The following SPG11 variants were observed in gnomAD, a reference collection of about 807,000 sequenced individuals.
SPG11 encodes the protein SPG11 vesicle trafficking associated, spatacsin.
In SPG11, 222 loss-of-function variants were observed where a neutral mutation model predicts 274.0. The ratio of observed to expected loss-of-function variants is 0.81; its 90% CI spans 0.73 to 0.91. The LOEUF is 0.91. Ranked by LOEUF, SPG11 falls within the 40% of genes least tolerant of loss-of-function variation. The probability of loss-of-function intolerance (pLI) is 0.00; values close to 1 mark genes in which losing one functional copy is unlikely to be tolerated. For synonymous variants in SPG11, 1,144 were observed against 1,039.7 expected (o/e 1.10, Z -1.93); for missense variants, 3,114 against 2,872.7 (o/e 1.08, Z -1.92).
rs556313642 is a variant in SPG11 at position 44,627,493 on chromosome 15, T to C, written c.2068-986A>G. Among the ~76,000 whole-genome samples the C allele has an allele frequency of 1.5e-4, 23 of 151,792 alleles. 1 individual carries two copies. The highest frequency in any genetic ancestry group is 2.1e-4 in the South Asian group (1 of 4,804). ...GTGATTTTGAGTAAAAAGAGGACCA[T>C]AGACAGAGCCTTGCAGAACATTAAA... is the stretch of plus-strand genomic sequence containing the variant. On this transcript the variant is annotated intron_variant, in intron 10 of 39. Transcript: ENST00000261866.
At chr15:44,659,747 TA>T (rs1274823702) in intron 2 of SPG11, among the ~76,000 whole-genome samples, 4 of 152,120 alleles carry the variant, frequency 2.6e-5, no homozygotes, top group African/African-American at 9.7e-5. Context: ...CCAATAGAAA[TA>T]TAATGTGAGC....
chr15:44,596,156 G>A lies in SPG11; in HGVS notation c.4361C>T (p.Ser1454Phe). 1.2e-6 allele frequency: 2 copies of A among 1,614,198 alleles called. No individual in the cohort carries two copies. Among genetic ancestry groups the A allele is most frequent in the Non-Finnish European group, 1.7e-6 (2 of 1,180,034 alleles). The change falls in exon 25 of 40, where the codon TCC becomes TTC. Residue 1454 changes from serine to phenylalanine, a missense_variant. Coordinates refer to ENST00000261866, the MANE Select transcript of SPG11 (RefSeq NM_025137.4). ...TGCTTCAACCAGAAGCCAGTGCCAGGAGTCTGGCTCCTCTGAGCATTGGAG... is the reference window on the plus strand; with the variant it reads ...TGCTTCAACCAGAAGCCAGTGCCAGAAGTCTGGCTCCTCTGAGCATTGGAG... ...ILLQCSEEPD[S>F]WHWLLVEAVK...
At chr15:44,606,608 A>G (rs558642665) in intron 19 of SPG11, among the ~76,000 whole-genome samples, 1 of 152,232 alleles carries the variant, frequency 6.6e-6, no homozygotes, top group African/African-American at 2.4e-5. Context: ...AAGATCTGGC[A>G]GCAGCAAGTA....
intron 27 of SPG11, 128 bp from the exon 28 acceptor site, chr15:44,589,542 A>ACT (rs1426921355): frequency 1.8e-6 from 2 of 1,094,966 alleles, no homozygotes; most frequent in African/African-American, 3.1e-5. Flanking sequence ...TGAGGCACTT[A>ACT]CTCAGTTCCT....
chr15:44,613,279 G>A, intron 17 of SPG11, 151 bp downstream of exon 17: 1 of 636,734 alleles, frequency 1.6e-6, no homozygotes, highest in Admixed American at 2.6e-5. Context: ...CCTTCCTTCT[G>A]CTTCTTACCT....
At chr15:44,658,874 T>C (rs927940283) in intron 3 of SPG11, among the ~76,000 whole-genome samples, 3 of 152,254 alleles carry the variant, frequency 2.0e-5, no homozygotes, top group African/African-American at 7.2e-5. Context: ...AAAATGTATA[T>C]ACTGGAAAAT....
At chr15:44,618,813 A>ATC (rs2083662215) in intron 15 of SPG11, among the ~76,000 whole-genome samples, 1 of 151,144 alleles carries the variant, frequency 6.6e-6, no homozygotes, top group Admixed American at 6.6e-5. Context: ...GCGAGACTCC[A>ATC]TCTCAAAAAA....
intron 8 of SPG11, among the ~76,000 whole-genome samples, chr15:44,631,354 A>G (rs2084054796): frequency 6.6e-6 from 1 of 152,230 alleles, no homozygotes; most frequent in Non-Finnish European, 1.5e-5. Flanking sequence ...AAAGTGGGGA[A>G]AAAACACAGA....
At position 44,563,021 on chromosome 15, in the gene SPG11, G is replaced by T; in HGVS notation, c.*100C>A. The T allele has an allele frequency of 8.2e-7, 1 of 1,217,102 alleles. No individual in the cohort carries two copies. The highest frequency in any genetic ancestry group is 1.2e-6 in the Non-Finnish European group (1 of 832,860). The allele number at this position is 1,217,102 out of a possible 1,614,324, so 75.4% of individuals were successfully genotyped here. A position where few individuals can be genotyped will look rare whatever the true frequency, so the allele number is the denominator to read the frequency against. On this transcript the variant is annotated 3_prime_UTR_variant, in exon 40 of 40. Transcript: ENST00000261866. ...AAGGACTGATATGGTACAGTACCGG[G>T]ATTGTTCAACTTTAGCAAAGATCTC...
At chr15:44,659,501 C>A (rs1184856782) in intron 2 of SPG11, among the ~76,000 whole-genome samples, 198 bp from the exon 3 acceptor site, 1 of 152,136 alleles carries the variant, frequency 6.6e-6, no homozygotes, top group Non-Finnish European at 1.5e-5. Flanking sequence ...AGATGGCCTA[C>A]AATGTCCCTG....
Position 44,659,274 on chromosome 15 carries a change from A to C in SPG11, c.472T>G (p.Ser158Ala). 1 of 1,614,092 alleles carries C rather than the reference A, an allele frequency of 6.2e-7. No individual in the cohort carries two copies. Residue 158 changes from serine to alanine, a missense_variant, in exon 3 of 40, where the codon TCA (serine) becomes GCA (alanine). Physicochemically the swap from Ser to Ala is moderately conservative, Grantham distance 99. Coordinates refer to ENST00000261866, the MANE Select transcript of SPG11 (RefSeq NM_025137.4). ...SISLLSLRIL[S>A]FHNNTSLLFI... ...AGTAATGATGTGTTATTGTGAAATG[A>C]CAGGATTCTCAAAGACAATAAGGAA...
rs1452495306 is a variant in SPG11 at position 44,648,921 on chromosome 15, G to A, written c.1547C>T (p.Thr516Ile). 1.9e-6 allele frequency: 3 copies of A among 1,614,110 alleles called. No homozygotes were observed. The highest frequency in any genetic ancestry group is 1.3e-5 in the African/African-American group (1 of 75,056). ...MIHGSASTVD[T>I]LCHLNGWGRC... Reference sequence around the variant, plus strand: ...TCCCCAGCCATTGAGATGACAAAGAGTGTCCACAGTGCTGGCACTTCCATG... The same window carrying A: ...TCCCCAGCCATTGAGATGACAAAGAATGTCCACAGTGCTGGCACTTCCATG... Residue 516 changes from threonine (T) to isoleucine (I), a missense_variant, in exon 7 of 40, where the codon ACT becomes ATT. Coordinates refer to ENST00000261866, the MANE Select transcript of SPG11 (RefSeq NM_025137.4).
intron 30 of SPG11, among the ~76,000 whole-genome samples, chr15:44,575,905 G>A (rs182870908): frequency 0.02 from 2,987 of 152,198 alleles, 109 homozygotes; most frequent in African/African-American, 0.068. Flanking sequence ...CACTTTGGGA[G>A]GCTGAGGCGG....
Position 44,643,246 on chromosome 15 carries a change from T to C in SPG11, c.1602+5620A>G, listed in dbSNP as rs565954831. Among the ~76,000 whole-genome samples, 3 of 152,300 alleles carry C rather than the reference T, an allele frequency of 2.0e-5. No individual in the cohort carries two copies. The South Asian group carries it at 6.2e-4, about 32-fold the overall frequency. The stretch of plus-strand genomic sequence containing the variant: ...CTAACCTCTTTGTGCTTCAGCTTCC[T>C]GATCTATAAAATGGGGCTAACAGTA... On this transcript the variant is annotated intron_variant, in intron 7 of 39. Coordinates refer to ENST00000261866, the MANE Select transcript of SPG11 (RefSeq NM_025137.4).
chr15:44,597,114 T>A, intron 23 of SPG11, 171 bp from the exon 24 acceptor site: 1 of 496,988 alleles, frequency 2.0e-6, no homozygotes, highest in Non-Finnish European at 3.3e-6. Context: ...TAGATTCTTT[T>A]TTTTTTTTTT....
At chr15:44,572,640 C>G (rs766946991) in intron 33 of SPG11, 43 bp downstream of exon 33, 12 of 1,612,268 alleles carry the variant, frequency 7.4e-6, no homozygotes, top group Admixed American at 5.0e-5. Flanking sequence ...CTTTTGAGAC[C>G]TGTTTAGGGC....
chr15:44,588,226 A>G (rs996288418), intron 28 of SPG11, among the ~76,000 whole-genome samples: 1 of 152,160 alleles, frequency 6.6e-6, no homozygotes, highest in Non-Finnish European at 1.5e-5. Flanking sequence ...TGGAAAAGAT[A>G]GTAAGGCAAT....
chr15:44,610,623 C>G (rs1482638242), intron 18 of SPG11, among the ~76,000 whole-genome samples: 1 of 151,402 alleles, frequency 6.6e-6, no homozygotes, highest in African/African-American at 2.4e-5. Flanking sequence ...AGTGATCCGC[C>G]TGCCTCGGCC....
intron 20 of SPG11, among the ~76,000 whole-genome samples, chr15:44,601,649 C>CT (rs930175541): frequency 6.6e-6 from 1 of 151,648 alleles, no homozygotes; most frequent in Non-Finnish European, 1.5e-5. Context: ...CTTCCGCCTC[C>CT]TGGGTTCAAG....
Sources: allele counts gnomAD v4.1 joint callset (sites outside exome capture counted in the v4.1 genomes callset), GRCh38; gene constraint gnomAD v4.1.1; transcripts MANE v1.5; gene names NCBI Gene and HGNC (gene_info 2026-07-23, HGNC 2026-07-21).